Variants in NRP1 observed in about 807,000 individuals in gnomAD.
NRP1 encodes the protein neuropilin-1.
Under a neutral mutation model 106.7 loss-of-function variants are expected in NRP1, and 35 were observed. That is an observed-to-expected ratio of 0.33 (90% CI 0.25 to 0.43). The LOEUF is 0.43. Ranked by LOEUF, NRP1 falls within the 20% of genes least tolerant of loss-of-function variation. The pLI, the probability that NRP1 is intolerant of heterozygous loss-of-function variation, is 1.00. For synonymous variants in NRP1, 437 were observed against 417.9 expected (o/e 1.05, Z -0.56); for missense variants, 1,024 against 1,170.4 (o/e 0.87, Z 1.83).
intron 6 of NRP1, among the ~76,000 whole-genome samples, chr10:33,247,219 A>G (rs1364372434): frequency 6.6e-6 from 1 of 152,192 alleles, no homozygotes; most frequent in East Asian, 1.9e-4. Flanking sequence ...CACTCATCCC[A>G]CCTGAAATGT....
chr10:33,307,468 A>G (rs1846249889), intron 2 of NRP1, among the ~76,000 whole-genome samples: 1 of 152,180 alleles, frequency 6.6e-6, no homozygotes, highest in South Asian at 2.1e-4. Context: ...CCTGATTTAA[A>G]ATATCAATTT....
At chr10:33,324,637 A>G (rs1055124395) in intron 2 of NRP1, among the ~76,000 whole-genome samples, 4 of 152,114 alleles carry the variant, frequency 2.6e-5, no homozygotes, top group Admixed American at 2.0e-4. Flanking sequence ...GATAGTACCC[A>G]CAGGCTTCTT....
At chr10:33,285,129 A>G (rs1844422237) in intron 2 of NRP1, among the ~76,000 whole-genome samples, 1 of 152,230 alleles carries the variant, frequency 6.6e-6, no homozygotes, top group Non-Finnish European at 1.5e-5. Flanking sequence ...GCTGATACCT[A>G]AGACTGTGCC....
At chr10:33,305,853 C>T (rs1194393140) in intron 2 of NRP1, among the ~76,000 whole-genome samples, 1 of 152,058 alleles carries the variant, frequency 6.6e-6, no homozygotes, top group African/African-American at 2.4e-5. Context: ...ACTGCAACTT[C>T]CGCCTCCTGG....
At position 33,197,718 on chromosome 10, in the gene NRP1, C is replaced by T; in HGVS notation, c.1865-9G>A. On this transcript the variant is annotated splice_polypyrimidine_tract_variant and intron_variant, in intron 11 of 16. Coordinates refer to ENST00000374867, the MANE Select transcript of NRP1 (RefSeq NM_003873.7). ...CAGCACAGTGGTGCCACCTGAAAAA[C>T]AAAAACAGGAACATGCAAAAATAAG... is the stretch of plus-strand genomic sequence containing the variant. 1 of 1,566,688 alleles carries T rather than the reference C, an allele frequency of 6.4e-7. No individual in the cohort carries two copies. Among genetic ancestry groups the T allele is most frequent in the South Asian group, 1.2e-5 (1 of 85,548 alleles).
intron 2 of NRP1, among the ~76,000 whole-genome samples, chr10:33,315,912 A>G (rs1457008919): frequency 6.6e-6 from 1 of 152,184 alleles, no homozygotes; most frequent in Non-Finnish European, 1.5e-5. Context: ...AGGAGGAGTG[A>G]GCTTCAAGAA....
intron 1 of NRP1, among the ~76,000 whole-genome samples, chr10:33,331,877 CATAAACTAT>C (rs977602085): frequency 6.6e-6 from 1 of 152,126 alleles, no homozygotes; most frequent in Non-Finnish European, 1.5e-5. Context: ...AAATTCGGTG[CATAAACTAT>C]ATAAGAGAAA....
At position 33,305,314 on chromosome 10, in the gene NRP1, C is replaced by A. The variant is rs935552527; in HGVS notation, c.248+25394G>T. 3.9e-5 allele frequency among the ~76,000 whole-genome samples: 6 copies of A among 152,224 alleles called. 1 individual carries two copies. The South Asian group carries it at 8.3e-4, about 21-fold the overall frequency. ...AATAATAATTGATGCATGTTGGAAA[C>A]CTTTTCATGGTATATTAGGGCTATA... is the stretch of plus-strand genomic sequence containing the variant. On this transcript the variant is annotated intron_variant, in intron 2 of 16. Transcript: ENST00000374867.
At chr10:33,202,511 A>G (rs917406659) in intron 11 of NRP1, 30 of 1,243,502 alleles carry the variant, frequency 2.4e-5, no homozygotes, top group Non-Finnish European at 3.1e-5. Context: ...CCTCATTAGA[A>G]AATGAAAATA....
At chr10:33,298,236 C>T (rs1845551810) in intron 2 of NRP1, among the ~76,000 whole-genome samples, 1 of 152,142 alleles carries the variant, frequency 6.6e-6, no homozygotes, top group African/African-American at 2.4e-5. Flanking sequence ...TGACTCCCTG[C>T]TGGGTAATCA....
chr10:33,242,844 T>C (rs2133086430), intron 6 of NRP1, among the ~76,000 whole-genome samples: 1 of 152,324 alleles, frequency 6.6e-6, no homozygotes, highest in African/African-American at 2.4e-5. Flanking sequence ...ACAAGTATAA[T>C]GAGTTTCTTC....
intron 1 of NRP1, among the ~76,000 whole-genome samples, chr10:33,331,380 T>TTTG (rs201229766): frequency 3.9e-5 from 6 of 152,156 alleles, no homozygotes; most frequent in Admixed American, 3.3e-4. Flanking sequence ...AGCCAAACCT[T>TTTG]TTGTTGTTGT....
chr10:33,330,959 G>T (rs1848243111), intron 1 of NRP1, 77 bp from the exon 2 acceptor site: 2 of 1,280,298 alleles, frequency 1.6e-6, no homozygotes, highest in South Asian at 3.0e-5. Flanking sequence ...TAAATTACTG[G>T]TTATTAAACA....
intron 8 of NRP1, among the ~76,000 whole-genome samples, chr10:33,218,259 T>C (rs1391008842): frequency 1.3e-5 from 2 of 152,174 alleles, no homozygotes; most frequent in Non-Finnish European, 2.9e-5. Context: ...AGCAGAATGG[T>C]TTGTTCCAAT....
intron 6 of NRP1, among the ~76,000 whole-genome samples, chr10:33,229,385 T>C (rs1428651075): frequency 1.3e-5 from 2 of 152,204 alleles, no homozygotes; most frequent in East Asian, 1.9e-4. Flanking sequence ...ACTTAGTGCT[T>C]TTCTGACTGT....
intron 11 of NRP1, chr10:33,200,966 T>C (rs1444301859): frequency 6.6e-6 from 1 of 152,226 alleles, no homozygotes; most frequent in Admixed American, 6.5e-5. Flanking sequence ...TCTTAGTATA[T>C]GAGAGTATTT....
At chr10:33,182,862 C>CAT in intron 15 of NRP1, 114 bp from the exon 16 acceptor site, 1 of 740,194 alleles carries the variant, frequency 1.4e-6, no homozygotes, top group South Asian at 1.6e-5. Flanking sequence ...CACACACACA[C>CAT]GTGTCTACTG....
At chr10:33,330,206 T>C (rs1425138557) in intron 2 of NRP1, among the ~76,000 whole-genome samples, 4 of 152,188 alleles carry the variant, frequency 2.6e-5, no homozygotes, top group Non-Finnish European at 4.4e-5. Flanking sequence ...CAATTTGCTT[T>C]TTCCATGTCA....
rs373129015 is a variant in NRP1 at position 33,177,956 on chromosome 10, T to A, written c.*2120A>T. 1 of 152,658 alleles carries A rather than the reference T, an allele frequency of 6.6e-6. No individual in the cohort carries two copies. The highest frequency in any genetic ancestry group is 2.1e-4 in the South Asian group (1 of 4,838). 9.5% of individuals were successfully genotyped at this position (152,658 alleles called of 1,614,324 possible). ...TTATCAGTGCAAGATACTTTAAATTTTAAAGTTGCAGTATCATTTTTCCTT... is the reference window on the plus strand; with the variant it reads ...TTATCAGTGCAAGATACTTTAAATTATAAAGTTGCAGTATCATTTTTCCTT... On this transcript the variant is annotated 3_prime_UTR_variant, in exon 17 of 17. Transcript: ENST00000374867.
Sources: gnomAD v4.1 joint callset for allele counts (sites outside exome capture counted in the v4.1 genomes callset) on GRCh38, gnomAD v4.1.1 for gene constraint, MANE v1.5 for transcripts, NCBI Gene and HGNC (gene_info 2026-07-23, HGNC 2026-07-21) for gene names.